TMPRSS15: variants seen among roughly 807,000 people sequenced by gnomAD.
TMPRSS15 encodes transmembrane serine protease 15.
A neutral mutation model predicts 125.3 loss-of-function variants in TMPRSS15; 128 were observed. That is an observed-to-expected ratio of 1.02 (90% CI 0.89 to 1.18). TMPRSS15 has a LOEUF of 1.18. Among genes scored for constraint, TMPRSS15 ranks in the 50% most tolerant of loss-of-function variants. The probability of loss-of-function intolerance (pLI) is 0.00; values close to 1 mark genes in which losing one functional copy is unlikely to be tolerated. For synonymous variants in TMPRSS15, 446 were observed against 423.2 expected, an observed-to-expected ratio of 1.05 and a Z score of -0.66; for missense variants, 1,283 against 1,212.7, an observed-to-expected ratio of 1.06 and a Z score of -0.86.
intron 16 of TMPRSS15, among the ~76,000 whole-genome samples, chr21:18,322,219 G>A (rs1179495449): frequency 6.6e-6 from 1 of 152,164 alleles, no homozygotes; most frequent in African/African-American, 2.4e-5. Flanking sequence ...AATAAATGCT[G>A]ATGAGGATGC....
At chr21:18,384,200 T>TC (rs2075921130) in intron 3 of TMPRSS15, among the ~76,000 whole-genome samples, 1 of 152,156 alleles carries the variant, frequency 6.6e-6, no homozygotes. Flanking sequence ...TAAGGTAGTT[T>TC]CACTGGTTTC....
intron 13 of TMPRSS15, among the ~76,000 whole-genome samples, chr21:18,333,838 C>T (rs2146971854): frequency 7.2e-6 from 1 of 139,536 alleles, no homozygotes; most frequent in Admixed American, 7.3e-5. Context: ...TTATTAGAAA[C>T]AAATTCTAAA....
chr21:18,474,273 T>TA (rs1221917969), intron 1 of TMPRSS15, among the ~76,000 whole-genome samples: 3 of 151,656 alleles, frequency 2.0e-5, no homozygotes, highest in Non-Finnish European at 4.4e-5. Context: ...GCAGAGATAT[T>TA]AAAAAAGATA....
intron 5 of TMPRSS15, among the ~76,000 whole-genome samples, chr21:18,372,550 A>T (rs1031138357): frequency 6.6e-6 from 1 of 152,202 alleles, no homozygotes; most frequent in African/African-American, 2.4e-5. Context: ...CATCTGCAAC[A>T]TCTAGCAGCC....
chr21:18,367,219 G>A (rs979225565), intron 6 of TMPRSS15, among the ~76,000 whole-genome samples: 5 of 152,052 alleles, frequency 3.3e-5, no homozygotes, highest in African/African-American at 1.2e-4. Flanking sequence ...ATTAAATTCT[G>A]AACAATCCGG....
intron 1 of TMPRSS15, among the ~76,000 whole-genome samples, chr21:18,424,574 A>C (rs1601458330): frequency 6.6e-6 from 1 of 152,192 alleles, no homozygotes; most frequent in East Asian, 1.9e-4. Context: ...AATAAGAAGC[A>C]AAAAATAAGC....
rs1569004320 is a variant in TMPRSS15 at position 18,317,908 on chromosome 21, C to CCA, written c.1922-2653_1922-2652insTG. On this transcript the variant is annotated intron_variant, in intron 16 of 24. Transcript: ENST00000284885. ...CCATCCCATCCCATCCCATCCCATC[C>CCA]TATCCCAACCCATTCTATTCCATAA... Among the ~76,000 whole-genome samples, 108 of 136,736 alleles carry CCA rather than the reference C, an allele frequency of 7.9e-4. 1 individual carries two copies. Among genetic ancestry groups the CCA allele is most frequent in the African/African-American group, 2.0e-3 (72 of 36,266 alleles). 89.7% of individuals were successfully genotyped at this position (136,736 alleles called of 152,430 possible). A position where few individuals can be genotyped will look rare whatever the true frequency, so the allele number is the denominator to read the frequency against.
chr21:18,442,554 T>G (rs2076244682), intron 1 of TMPRSS15, among the ~76,000 whole-genome samples: 1 of 152,232 alleles, frequency 6.6e-6, no homozygotes, highest in South Asian at 2.1e-4. Context: ...ACTTCCTAGA[T>G]GTTCTTAGGA....
intron 6 of TMPRSS15, among the ~76,000 whole-genome samples, chr21:18,367,339 AAGAT>A (rs1048577672): frequency 6.6e-6 from 1 of 152,230 alleles, no homozygotes; most frequent in African/African-American, 2.4e-5. Flanking sequence ...TCATGATTTG[AAGAT>A]AGATAGTAAA....
At chr21:18,281,823 C>T (rs942210753) in intron 21 of TMPRSS15, among the ~76,000 whole-genome samples, 5 of 151,984 alleles carry the variant, frequency 3.3e-5, no homozygotes, top group African/African-American at 1.2e-4. Flanking sequence ...ACAAGCCAGG[C>T]GCGGTGGCTC....
chr21:18,277,793 T>C (rs944766646), intron 23 of TMPRSS15, among the ~76,000 whole-genome samples: 10 of 152,372 alleles, frequency 6.6e-5, no homozygotes, highest in Middle Eastern at 6.8e-3. Flanking sequence ...TTGTTGTGAC[T>C]GCAGGGATCA....
intron 16 of TMPRSS15, among the ~76,000 whole-genome samples, chr21:18,319,189 C>A (rs1569005031): frequency 2.0e-5 from 3 of 151,938 alleles, no homozygotes; most frequent in African/African-American, 7.3e-5. Flanking sequence ...GTTGAAGGTG[C>A]AATTTAGCCA....
intron 23 of TMPRSS15, among the ~76,000 whole-genome samples, chr21:18,276,717 A>G (rs2074625225): frequency 6.6e-6 from 1 of 151,068 alleles, no homozygotes; most frequent in Non-Finnish European, 1.5e-5. Context: ...TAGCTAATCA[A>G]TTAGTATAAT....
At chr21:18,455,420 G>C (rs143658158) in intron 1 of TMPRSS15, among the ~76,000 whole-genome samples, 1 of 152,032 alleles carries the variant, frequency 6.6e-6, no homozygotes, top group Non-Finnish European at 1.5e-5. Context: ...CAGGTTCTAG[G>C]TATTTTTTCA....
chr21:18,383,513 C>T, intron 4 of TMPRSS15, 114 bp downstream of exon 4: 1 of 1,222,302 alleles, frequency 8.2e-7, no homozygotes, highest in Non-Finnish European at 1.2e-6. Context: ...TCACCTCAGG[C>T]AATAAGACAT....
chr21:18,298,139 T>C (rs188300552), intron 18 of TMPRSS15, among the ~76,000 whole-genome samples: 65 of 152,392 alleles, frequency 4.3e-4, no homozygotes, highest in African/African-American at 1.4e-3. Flanking sequence ...ACCTGTTTTA[T>C]AAATGTGATT....
In TMPRSS15 at chr21:18,305,268, A is replaced by C. The variant is rs1263084508; in HGVS notation, c.2166-7439T>G. Among the ~76,000 whole-genome samples the C allele has an allele frequency of 3.6e-5, 5 of 137,450 alleles. No homozygotes were observed. In the East Asian group the frequency reaches 1.1e-3, roughly 29 times the overall value. The allele number at this position is 137,450 out of a possible 152,430, so 90.2% of individuals were successfully genotyped here. On this transcript the variant is annotated intron_variant, in intron 18 of 24. Coordinates refer to ENST00000284885, the MANE Select transcript of TMPRSS15 (RefSeq NM_002772.3). ...CAGTGGCGCGATCTCGGCTCACTGCAAGCTCCGCCTCCCGGGTTCACGCCA... is the reference window on the plus strand; with the variant it reads ...CAGTGGCGCGATCTCGGCTCACTGCCAGCTCCGCCTCCCGGGTTCACGCCA...
At chr21:18,424,301 A>G (rs1237550378) in intron 1 of TMPRSS15, among the ~76,000 whole-genome samples, 1 of 152,212 alleles carries the variant, frequency 6.6e-6, no homozygotes, top group Non-Finnish European at 1.5e-5. Context: ...AAATCTGAAT[A>G]TCTTGCTTAA....
chr21:18,327,589 T>C (rs1446378109), intron 15 of TMPRSS15, among the ~76,000 whole-genome samples: 1 of 152,184 alleles, frequency 6.6e-6, no homozygotes, highest in Non-Finnish European at 1.5e-5. Flanking sequence ...TGTCCCTTGA[T>C]GTGCTCTAGA....
Sources: allele counts gnomAD v4.1 joint callset (sites outside exome capture counted in the v4.1 genomes callset), GRCh38; gene constraint gnomAD v4.1.1; transcripts MANE v1.5; gene names NCBI Gene and HGNC (gene_info 2026-07-23, HGNC 2026-07-21).